GCNA: variants seen among roughly 807,000 people sequenced by gnomAD.
GCNA encodes the protein germ cell nuclear acidic peptidase.
A neutral mutation model predicts 38.8 loss-of-function variants in GCNA; 3 were observed. The observed-to-expected ratio is 0.08, with a 90% CI of 0.04 to 0.20. The LOEUF (loss-of-function observed/expected upper bound fraction) is 0.20, where lower values mean the gene tolerates loss of function less well. Ranked by LOEUF, GCNA falls within the 10% of genes least tolerant of loss-of-function variation. The pLI, the probability that GCNA is intolerant of heterozygous loss-of-function variation, is 1.00. For missense variants in GCNA, 446 were observed against 578.6 expected, an observed-to-expected ratio of 0.77 and a Z score of 2.35; for synonymous variants, 195 against 240.2, an observed-to-expected ratio of 0.81 and a Z score of 1.74.
intron 7 of GCNA, among the ~76,000 whole-genome samples, chrX:71,602,660 G>A (rs1222590657): frequency 9.0e-6 from 1 of 111,001 alleles, no homozygotes; most frequent in East Asian, 2.8e-4. Flanking sequence ...TTTGACCTCC[G>A]TATATACTCT....
At chrX:71,594,897 A>G (rs1358484429) in intron 6 of GCNA, 118 bp downstream of exon 6, 1 of 382,970 alleles carries the variant, frequency 2.6e-6, no homozygotes, top group Admixed American at 4.4e-5. Flanking sequence ...CTCTGTGGAC[A>G]CTCTGTGGTT....
At chrX:71,586,849 A>G (rs1415127393) in intron 2 of GCNA, among the ~76,000 whole-genome samples, 2 of 111,618 alleles carry the variant, frequency 1.8e-5, no homozygotes, top group Non-Finnish European at 3.8e-5. Context: ...ACCTCAGGTG[A>G]TCCGCCTGCC....
intron 2 of GCNA, among the ~76,000 whole-genome samples, chrX:71,588,700 G>A (rs933480831): frequency 2.7e-5 from 3 of 110,572 alleles, no homozygotes; most frequent in Non-Finnish European, 5.7e-5. Flanking sequence ...GGTGACACAC[G>A]CCTGTAATCC....
intron 2 of GCNA, among the ~76,000 whole-genome samples, chrX:71,589,410 C>A (rs1426728742): frequency 9.9e-6 from 1 of 101,370 alleles, no homozygotes; most frequent in Non-Finnish European, 2.0e-5. Context: ...CTACCCCCTG[C>A]ATAGCTGGGA....
At chrX:71,597,396 A>T (rs2040679221) in intron 6 of GCNA, among the ~76,000 whole-genome samples, 1 of 111,537 alleles carries the variant, frequency 9.0e-6, no homozygotes, top group African/African-American at 3.3e-5. Flanking sequence ...TTAGCCGAGG[A>T]TGAGGACCCC....
rs764883817 is a variant in GCNA, at chrX:71,604,036, A to T, written c.759A>T (p.Glu253Asp). Residue 253 changes from glutamate to aspartate, a missense_variant, in exon 8 of 13, where the codon GAA (glutamate) becomes GAT (aspartate). Physicochemically the swap from Glu to Asp is conservative, Grantham distance 45. Transcript: ENST00000373696. Reference protein sequence around the residue: ...EAPDDSSDDSEAPDDSSDDSE... With the variant: ...EAPDDSSDDSDAPDDSSDDSE... ...CCGACGACAGCAGTGATGATTCGGA[A>T]GCTCCCGACGACAGCAGTGATGATT... The T allele has an allele frequency of 1.7e-6, 2 of 1,187,282 alleles. No individual in the cohort carries two copies. Among genetic ancestry groups the T allele is most frequent in the Non-Finnish European group, 2.3e-6 (2 of 886,810 alleles).
At chrX:71,601,949 T>G (rs1385117860) in intron 7 of GCNA, among the ~76,000 whole-genome samples, 1 of 112,063 alleles carries the variant, frequency 8.9e-6, no homozygotes, top group Non-Finnish European at 1.9e-5. Flanking sequence ...ATATACTGAT[T>G]TTCTTTCTTT....
chrX:71,594,240 T>G, intron 4 of GCNA, 91 bp from the exon 5 acceptor site: 1 of 649,650 alleles, frequency 1.5e-6, no homozygotes, highest in Non-Finnish European at 2.4e-6. Flanking sequence ...TCTGATTGGT[T>G]GTTTTCTTCA....
At chrX:71,587,862 T>A (rs1189964969) in intron 2 of GCNA, among the ~76,000 whole-genome samples, 1 of 111,015 alleles carries the variant, frequency 9.0e-6, no homozygotes, top group Non-Finnish European at 1.9e-5. Flanking sequence ...CACTGCAAAC[T>A]CACTGCAACC....
rs1490464443 is a variant in GCNA, at chrX:71,604,040, C to T, written c.763C>T (p.Pro255Ser). ...CGACAGCAGTGATGATTCGGAAGCT[C>T]CCGACGACAGCAGTGATGATTCGGA... is the stretch of plus-strand genomic sequence containing the variant. ...PDDSSDDSEA[P>S]DDSSDDSEAP... Residue 255 changes from proline to serine, a missense_variant, in exon 8 of 13, where the codon CCC (proline) becomes TCC (serine). This residue lies in a region of GCNA where 28 missense variants were observed against 77.0 expected (regional missense o/e 0.36). Coordinates refer to ENST00000373696, the MANE Select transcript of GCNA (RefSeq NM_052957.5). 8.4e-7 allele frequency: 1 copy of T among 1,193,997 alleles called. No homozygotes were observed. Among genetic ancestry groups the T allele is most frequent in the Non-Finnish European group, 1.1e-6 (1 of 888,549 alleles).
chrX:71,610,081 G>A (rs1166411722), intron 10 of GCNA, among the ~76,000 whole-genome samples: 2 of 111,136 alleles, frequency 1.8e-5, no homozygotes, highest in Admixed American at 9.6e-5. Context: ...AAGGACAAGA[G>A]ACCCAAGTCC....
rs535244099 is a variant in GCNA at position 71,606,627 on chromosome X, G to A, written c.1466+898G>A. 1.7e-4 allele frequency among the ~76,000 whole-genome samples: 19 copies of A among 111,672 alleles called. No homozygotes were observed. The South Asian group carries it at 7.1e-3, about 42-fold the overall frequency. ...GACAATAAGTGTATATTAAGGGAGG[G>A]GAAAAAGACTGATGTGTCAGGCATA... On this transcript the variant is annotated intron_variant, in intron 9 of 12. Coordinates refer to ENST00000373696, the MANE Select transcript of GCNA (RefSeq NM_052957.5).
chrX:71,610,945 C>A, intron 11 of GCNA, 126 bp downstream of exon 11: 1 of 934,472 alleles, frequency 1.1e-6, no homozygotes. Flanking sequence ...GGCAGGCATG[C>A]TGTGTGTTGC....
At chrX:71,588,881 CTTTTTTTTAAGT>C (rs971108299) in intron 2 of GCNA, among the ~76,000 whole-genome samples, 5 of 106,666 alleles carry the variant, frequency 4.7e-5, no homozygotes, top group African/African-American at 1.7e-4. Flanking sequence ...TCTTTTATAA[CTTTTTTTTAAGT>C]TTTTTTTTTT....
chrX:71,597,508 G>T (rs1027962747), intron 6 of GCNA, among the ~76,000 whole-genome samples: 4 of 110,724 alleles, frequency 3.6e-5, no homozygotes, highest in Non-Finnish European at 7.6e-5. Flanking sequence ...GCTGGTTTGG[G>T]GTTGCAGAGA....
In GCNA at chrX:71,604,659, A is replaced by T. The variant is rs2040754324; in HGVS notation, c.1382A>T (p.Asn461Ile). 8.3e-7 allele frequency: 1 copy of T among 1,209,085 alleles called. No homozygotes were observed. The highest frequency in any genetic ancestry group is 1.1e-6 in the Non-Finnish European group (1 of 894,435). Residue 461 changes from asparagine (N) to isoleucine (I), a missense_variant, in exon 8 of 13, where the codon AAT becomes ATT. Physicochemically the swap from Asn to Ile is moderately radical, Grantham distance 149. Transcript: ENST00000373696. ...PLRKRKAKTKNVSVTPGHKKR... is the reference protein window; with the variant it reads ...PLRKRKAKTKIVSVTPGHKKR... ...AGGAAGAGGAAGGCGAAAACCAAAA[A>T]TGTATCTGTGACACCTGGTAAGCCA...
chrX:71,586,829 T>G (rs1467281736), intron 2 of GCNA, among the ~76,000 whole-genome samples: 1 of 111,275 alleles, frequency 9.0e-6, no homozygotes, highest in Admixed American at 9.6e-5. Flanking sequence ...AGGCTGATCT[T>G]AAATTCCTGA....
intron 10 of GCNA, among the ~76,000 whole-genome samples, chrX:71,609,948 T>C (rs1304343895): frequency 8.9e-6 from 1 of 111,888 alleles, no homozygotes; most frequent in East Asian, 2.8e-4. Flanking sequence ...CCCCAGCCTT[T>C]GATGCCCTTC....
At chrX:71,601,090 A>G (rs2040710635) in intron 7 of GCNA, among the ~76,000 whole-genome samples, 1 of 111,918 alleles carries the variant, frequency 8.9e-6, no homozygotes, top group Non-Finnish European at 1.9e-5. Context: ...TCACGCCTGT[A>G]ATCCCAGCAC....
Sources: gnomAD v4.1 joint callset for allele counts (sites outside exome capture counted in the v4.1 genomes callset) on GRCh38, gnomAD v4.1.1 for gene constraint, gnomAD v4.1.1 regional missense constraint, MANE v1.5 for transcripts, NCBI Gene and HGNC (gene_info 2026-07-23, HGNC 2026-07-21) for gene names.